The following PKIB variants were observed in gnomAD, a reference collection of about 807,000 sequenced individuals.
The protein encoded by PKIB is PKI-beta.
Under a neutral mutation model 4.5 loss-of-function variants are expected in PKIB, and 2 were observed. That is an observed-to-expected ratio of 0.44 (90% CI 0.18 to 1.39). The LOEUF is 1.39. PKIB is among the 40% of genes most tolerant of loss of function. PKIB has a pLI of 0.27. For synonymous variants in PKIB, 38 were observed against 36.0 expected (o/e 1.06, Z -0.20); for missense variants, 94 against 92.6 (o/e 1.02, Z -0.06).
At chr6:122,535,682 G>A (rs1777385680) in intron 2 of PKIB, among the ~76,000 whole-genome samples, 1 of 152,138 alleles carries the variant, frequency 6.6e-6, no homozygotes, top group Admixed American at 6.5e-5. Flanking sequence ...AGGCACACAG[G>A]CTTGAGAATT....
At chr6:122,572,652 A>AG (rs1219331438) in intron 2 of PKIB, among the ~76,000 whole-genome samples, 4 of 141,678 alleles carry the variant, frequency 2.8e-5, no homozygotes, top group Non-Finnish European at 6.4e-5. Flanking sequence ...TGAAATTGAA[A>AG]CAAAAAAAAA....
intron 4 of PKIB, among the ~76,000 whole-genome samples, chr6:122,722,952 T>C (rs1245949039): frequency 6.6e-6 from 1 of 152,190 alleles, no homozygotes; most frequent in Non-Finnish European, 1.5e-5. Flanking sequence ...CACCAGTGGT[T>C]CATTCTTAGC....
intron 2 of PKIB, among the ~76,000 whole-genome samples, chr6:122,668,776 T>A (rs1777332616): frequency 6.6e-6 from 1 of 152,238 alleles, no homozygotes; most frequent in African/African-American, 2.4e-5. Context: ...CCAAACTCTT[T>A]CTTCTTATAT....
At chr6:122,711,174 A>C (rs1195806782) in intron 3 of PKIB, among the ~76,000 whole-genome samples, 1 of 151,930 alleles carries the variant, frequency 6.6e-6, no homozygotes, top group Non-Finnish European at 1.5e-5. Flanking sequence ...GGACACACAC[A>C]CCCCACTCAA....
intron 2 of PKIB, among the ~76,000 whole-genome samples, chr6:122,667,013 A>G (rs1265002031): frequency 2.0e-5 from 3 of 152,056 alleles, no homozygotes; most frequent in Admixed American, 6.5e-5. Context: ...CTAGAAAGTC[A>G]TGGGCACTCC....
rs150017166 is a variant in PKIB, at chr6:122,552,637, C to T, written c.-247-33284C>T. On this transcript the variant is annotated intron_variant, in intron 2 of 6. Transcript: ENST00000392491. The stretch of plus-strand genomic sequence containing the variant: ...AAGTGATCTGCCCGCCTTGGCCTCC[C>T]AAAGTGCTGGGATTACAGGCACGAG... 3.2e-3 allele frequency among the ~76,000 whole-genome samples: 486 copies of T among 152,262 alleles called. 4 individuals are homozygous for T. The highest frequency in any genetic ancestry group is 0.011 in the African/African-American group (468 of 41,548).
chr6:122,522,860 A>G (rs992685880), intron 2 of PKIB, among the ~76,000 whole-genome samples: 5 of 152,216 alleles, frequency 3.3e-5, no homozygotes, highest in African/African-American at 1.2e-4. Flanking sequence ...CTGTTTGGAC[A>G]TCTTGCCTGG....
rs1775134508 is a variant in PKIB, at chr6:122,619,497, AC to A, written c.-161+8967del. ...TTTGAATAGCATCCTGTGCCTTCTC[AC>A]CCCCGCACCTGCCTTGGAACTTACC... On this transcript the variant is annotated intron_variant, in intron 1 of 4. Transcript: ENST00000368452. Among the ~76,000 whole-genome samples the A allele has an allele frequency of 2.0e-5, 3 of 150,956 alleles. No individual in the cohort carries two copies. The South Asian group carries it at 6.3e-4, about 32-fold the overall frequency.
chr6:122,696,914 GTGTCTT>G (rs1778598848), intron 3 of PKIB, among the ~76,000 whole-genome samples: 2 of 152,152 alleles, frequency 1.3e-5, no homozygotes, highest in African/African-American at 4.8e-5. Context: ...TAGTGGTAGG[GTGTCTT>G]AGTCACCTCC....
intron 4 of PKIB, among the ~76,000 whole-genome samples, chr6:122,719,398 C>G (rs1401333870): frequency 6.6e-6 from 1 of 152,026 alleles, no homozygotes; most frequent in Non-Finnish European, 1.5e-5. Context: ...GATGAATTTA[C>G]AAATAACACC....
chr6:122,523,266 T>G (rs1233651085), intron 2 of PKIB, among the ~76,000 whole-genome samples: 1 of 152,210 alleles, frequency 6.6e-6, no homozygotes, highest in Non-Finnish European at 1.5e-5. Context: ...GTTTTGTCCT[T>G]CATTCTGTTA....
intron 3 of PKIB, among the ~76,000 whole-genome samples, chr6:122,600,179 A>G (rs1774319544): frequency 6.6e-6 from 1 of 152,218 alleles, no homozygotes; most frequent in Admixed American, 6.5e-5. Context: ...GTTCAAGGAC[A>G]GGAAGCATCC....
At chr6:122,556,477 G>T (rs1772845313) in intron 2 of PKIB, among the ~76,000 whole-genome samples, 1 of 152,102 alleles carries the variant, frequency 6.6e-6, no homozygotes, top group South Asian at 2.1e-4. Flanking sequence ...ATGCTATTCT[G>T]ATCTATGTAC....
chr6:122,600,026 T>G (rs2566823), intron 3 of PKIB, among the ~76,000 whole-genome samples: 118,915 of 147,590 alleles, frequency 0.81, 47,818 homozygotes, highest in South Asian at 0.92. Context: ...TATATCTATA[T>G]CTATAGCTAT....
At chr6:122,614,838 A>G (rs1774919924) in intron 1 of PKIB, among the ~76,000 whole-genome samples, 1 of 152,196 alleles carries the variant, frequency 6.6e-6, no homozygotes, top group Admixed American at 6.5e-5. Flanking sequence ...CTTACAACTC[A>G]TGCAATTACA....
intron 2 of PKIB, among the ~76,000 whole-genome samples, chr6:122,507,147 G>A (rs972575970): frequency 6.6e-6 from 1 of 152,046 alleles, no homozygotes; most frequent in South Asian, 2.1e-4. Context: ...TAGAGTACTG[G>A]TTTTTTATTA....
intron 2 of PKIB, among the ~76,000 whole-genome samples, chr6:122,566,641 C>T (rs1327078493): frequency 6.9e-6 from 1 of 144,284 alleles, no homozygotes; most frequent in Non-Finnish European, 1.5e-5. Flanking sequence ...TCCCTCCCTC[C>T]CTTCCTTCCT....
chr6:122,558,308 G>A (rs1244709969), intron 2 of PKIB, among the ~76,000 whole-genome samples: 1 of 152,154 alleles, frequency 6.6e-6, no homozygotes, highest in Non-Finnish European at 1.5e-5. Flanking sequence ...TATTCTACCA[G>A]CTTAGTAATG....
chr6:122,689,350 T>C (rs1778232425), intron 3 of PKIB, among the ~76,000 whole-genome samples: 1 of 152,198 alleles, frequency 6.6e-6, no homozygotes, highest in African/African-American at 2.4e-5. Context: ...ATATGCATCA[T>C]TGAGTTGATC....
Sources: allele counts gnomAD v4.1 joint callset (sites outside exome capture counted in the v4.1 genomes callset), GRCh38; gene constraint gnomAD v4.1.1; transcripts MANE v1.5; gene names NCBI Gene and HGNC (gene_info 2026-07-23, HGNC 2026-07-21).